Variants in DNAH10 observed in about 807,000 individuals in gnomAD.
DNAH10 encodes the protein dynein axonemal heavy chain 10, also known as axonemal beta dynein heavy chain 10.
A neutral mutation model predicts 506.6 loss-of-function variants in DNAH10; 348 were observed. That is an observed-to-expected ratio of 0.69 (90% CI 0.63 to 0.75). The LOEUF is 0.75. Ranked by LOEUF, DNAH10 falls within the 30% of genes least tolerant of loss-of-function variation. The pLI, the probability that DNAH10 is intolerant of heterozygous loss-of-function variation, is 0.00. For missense variants in DNAH10, 5,179 were observed against 5,787.1 expected, an observed-to-expected ratio of 0.89 and a Z score of 3.41; for synonymous variants, 2,059 against 2,198.6, an observed-to-expected ratio of 0.94 and a Z score of 1.78.
At chr12:123,910,471 T>C in intron 58 of DNAH10, 65 bp from the exon 59 acceptor site, 10 of 1,570,296 alleles carry the variant, frequency 6.4e-6, no homozygotes, top group Non-Finnish European at 8.7e-6. Context: ...ATGCTTATTT[T>C]GTCTATTTTA....
At chr12:123,857,589 G>A (rs1180665635) in intron 37 of DNAH10, among the ~76,000 whole-genome samples, 1 of 152,146 alleles carries the variant, frequency 6.6e-6, no homozygotes, top group Admixed American at 6.5e-5. Flanking sequence ...TTAGCCGGGC[G>A]TGGTGGCGCT....
At chr12:123,875,604 T>C in intron 47 of DNAH10, 113 bp downstream of exon 47, 2 of 1,254,040 alleles carry the variant, frequency 1.6e-6, no homozygotes, top group Non-Finnish European at 2.2e-6. Context: ...TCAATACTTT[T>C]AAGGGCCTAT....
chr12:123,769,376 C>A (rs1957165960), intron 2 of DNAH10, among the ~76,000 whole-genome samples: 1 of 151,678 alleles, frequency 6.6e-6, no homozygotes, highest in Admixed American at 6.6e-5. Context: ...GGGGTTTCAC[C>A]ATGTTGGCCA....
At chr12:123,930,011 G>A in intron 72 of DNAH10, 1 of 590,090 alleles carries the variant, frequency 1.7e-6, no homozygotes, top group South Asian at 2.1e-5. Flanking sequence ...CCTTGCCTCA[G>A]CTGTTGCTGT....
intron 18 of DNAH10, among the ~76,000 whole-genome samples, chr12:123,807,251 C>T (rs1958716879): frequency 6.6e-6 from 1 of 152,062 alleles, no homozygotes; most frequent in Non-Finnish European, 1.5e-5. Flanking sequence ...TTGAGTAAAG[C>T]CTGCCCTGTG....
At chr12:123,869,410 T>C (rs1437945084) in intron 43 of DNAH10, among the ~76,000 whole-genome samples, 1 of 152,012 alleles carries the variant, frequency 6.6e-6, no homozygotes, top group East Asian at 1.9e-4. Flanking sequence ...GTCTAAGGGC[T>C]GACAGGGAGA....
In DNAH10 at chr12:123,902,850, C is replaced by G; in HGVS notation, c.9641-89C>G. The G allele has an allele frequency of 6.9e-7, 1 of 1,448,610 alleles. No homozygotes were observed. Among genetic ancestry groups the G allele is most frequent in the East Asian group, 2.5e-5 (1 of 39,974 alleles). 89.7% of individuals were successfully genotyped at this position (1,448,610 alleles called of 1,614,324 possible). The stretch of plus-strand genomic sequence containing the variant: ...GATCCCCGCTAGGGCTCAAGCCAAC[C>G]TTTGAGGACTGCACTCTGCTCAGAG... On this transcript the variant is annotated intron_variant, in intron 56 of 78. Coordinates refer to ENST00000673944, the MANE Select transcript of DNAH10 (RefSeq NM_001372106.1). The surrounding 1 kb of genome is among the most constrained non-coding windows in gnomAD (Gnocchi z 4.5).
At chr12:123,877,363 G>A (rs1325183165) in intron 47 of DNAH10, among the ~76,000 whole-genome samples, 1 of 152,164 alleles carries the variant, frequency 6.6e-6, no homozygotes, top group Non-Finnish European at 1.5e-5. Flanking sequence ...CCAGGCTGGA[G>A]TGCAATGGCG....
intron 46 of DNAH10, among the ~76,000 whole-genome samples, 191 bp from the exon 47 acceptor site, chr12:123,875,040 C>A (rs985590087): frequency 2.0e-5 from 3 of 152,140 alleles, no homozygotes; most frequent in Admixed American, 6.5e-5. Context: ...GTAAGGGAGA[C>A]AAACTTCAAA....
intron 25 of DNAH10, among the ~76,000 whole-genome samples, chr12:123,829,292 A>G (rs557988281): frequency 2.6e-5 from 4 of 152,312 alleles, no homozygotes; most frequent in East Asian, 1.9e-4. Flanking sequence ...AAGTGGGGGC[A>G]TCGGCATGGC....
At chr12:123,774,363 G>C in intron 5 of DNAH10, 99 bp downstream of exon 5, 1 of 935,706 alleles carries the variant, frequency 1.1e-6, no homozygotes, top group Non-Finnish European at 1.6e-6. Context: ...TTCTGTCTCA[G>C]GTGCTGTTAT....
chr12:123,826,122 C>T (rs1409882442), intron 24 of DNAH10, among the ~76,000 whole-genome samples: 1 of 151,080 alleles, frequency 6.6e-6, no homozygotes, highest in African/African-American at 2.4e-5. Flanking sequence ...ACCCTGTCTC[C>T]AAAAAAAATA....
At chr12:123,801,990 G>T (rs1329843583) in intron 16 of DNAH10, among the ~76,000 whole-genome samples, 2 of 152,182 alleles carry the variant, frequency 1.3e-5, no homozygotes, top group Non-Finnish European at 1.5e-5. Context: ...TTATATAAAT[G>T]AGATAACACA....
rs1453067849 is a variant in DNAH10, at chr12:123,841,304, G to T, written c.5137-18G>T. The T allele has an allele frequency of 1.2e-6, 2 of 1,612,080 alleles. No individual in the cohort carries two copies. The highest frequency in any genetic ancestry group is 1.7e-5 in the Admixed American group (1 of 60,014). On this transcript the variant is annotated intron_variant, in intron 29 of 78. Transcript: ENST00000673944. ...AACTCCGTGCAGGTCTTACAGGGCT[G>T]CCTCTCCCTGTTTGCAGATGTACGA...
intron 24 of DNAH10, among the ~76,000 whole-genome samples, chr12:123,824,160 T>G (rs1227046321): frequency 6.6e-6 from 1 of 152,044 alleles, no homozygotes; most frequent in African/African-American, 2.4e-5. Flanking sequence ...TGGATCTGGT[T>G]TGCAGGTAGA....
chr12:123,857,544 G>T (rs1304559867), intron 37 of DNAH10, among the ~76,000 whole-genome samples: 2 of 151,984 alleles, frequency 1.3e-5, no homozygotes, highest in African/African-American at 4.8e-5. Context: ...CCTGGCCAAC[G>T]TGGAGAAACC....
chr12:123,820,370 A>G (rs188670571), intron 23 of DNAH10, among the ~76,000 whole-genome samples: 49 of 152,290 alleles, frequency 3.2e-4, no homozygotes, highest in African/African-American at 1.1e-3. Flanking sequence ...CCTGGTTGTG[A>G]GAATTAGGCA....
intron 21 of DNAH10, among the ~76,000 whole-genome samples, chr12:123,815,209 C>T (rs182715077): frequency 1.2e-4 from 19 of 152,200 alleles, no homozygotes; most frequent in East Asian, 7.7e-4. Flanking sequence ...AATGTCTCCC[C>T]GTAAAGATTT....
chr12:123,854,225 C>T (rs1046318802), intron 36 of DNAH10, among the ~76,000 whole-genome samples: 3 of 152,040 alleles, frequency 2.0e-5, no homozygotes, highest in African/African-American at 7.2e-5. Context: ...TATATGGAAA[C>T]TTCTTTCATT....
Sources: gnomAD v4.1 joint callset for allele counts (sites outside exome capture counted in the v4.1 genomes callset) on GRCh38, gnomAD v4.1.1 for gene constraint, Gnocchi (gnomAD v3.1) non-coding constraint, MANE v1.5 for transcripts, NCBI Gene and HGNC (gene_info 2026-07-23, HGNC 2026-07-21) for gene names.